HLA-G: variants seen among roughly 807,000 people sequenced by gnomAD.
HLA-G encodes HLA class I histocompatibility antigen, alpha chain G.
Under a neutral mutation model 39.3 loss-of-function variants are expected in HLA-G, and 34 were observed. The observed-to-expected ratio is 0.86, with a 90% confidence interval of 0.66 to 1.15. The LOEUF is 1.15. Among genes scored for constraint, HLA-G ranks in the 50% most tolerant of loss-of-function variants. The pLI is 0.00. For missense variants in HLA-G, 419 were observed against 456.4 expected, an observed-to-expected ratio of 0.92 and a Z score of 0.75; for synonymous variants, 183 against 185.8, an observed-to-expected ratio of 0.99 and a Z score of 0.12.
rs763201540 is a variant in HLA-G at position 29,828,130 on chromosome 6, G to T, written c.157G>T (p.Asp53Tyr). The T allele has an allele frequency of 5.0e-6, 8 of 1,613,206 alleles. No homozygotes were observed. The Admixed American group carries it at 1.3e-4, about 27-fold the overall frequency. ...CCGCTTCATCGCCATGGGCTACGTG[G>T]ACGACACGCAGTTCGTGCGGTTCGA... Reference protein sequence around the residue: ...EPRFIAMGYVDDTQFVRFDSD... With the variant: ...EPRFIAMGYVYDTQFVRFDSD... Residue 53 changes from aspartate (D) to tyrosine (Y), a missense_variant, in exon 2 of 7, where the codon GAC (aspartate) becomes TAC (tyrosine). Transcript: ENST00000360323.
rs1760994048 is a variant in HLA-G at position 29,828,926 on chromosome 6, C to G, written c.619+108C>G. On this transcript the variant is annotated intron_variant, in intron 3 of 6. Coordinates refer to ENST00000360323, the MANE Select transcript of HLA-G (RefSeq NM_001384290.1). ...CCAACACTAGAATATCGCCCTCCCT[C>G]TGGTCCTGAGGGAGAGGAATCCTCC... 11 of 1,445,080 alleles carry G rather than the reference C, an allele frequency of 7.6e-6. 1 individual carries two copies. Among genetic ancestry groups the G allele is most frequent in the Non-Finnish European group, 8.7e-6 (9 of 1,037,206 alleles). The allele number at this position is 1,445,080 out of a possible 1,614,324, so 89.5% of individuals were successfully genotyped here. A position where few individuals can be genotyped will look rare whatever the true frequency, so the allele number is the denominator to read the frequency against.
At chr6:29,827,517 G>A (rs1304561415), upstream of HLA-G, 3 of 387,648 alleles carry the variant, frequency 7.7e-6, no homozygotes, top group African/African-American at 4.2e-5. Flanking sequence ...TTCTCAGACA[G>A]CTCCTGGGCC....
At chr6:29,827,303 G>A (rs1366993559), upstream of HLA-G, 2 of 353,408 alleles carry the variant, frequency 5.7e-6, no homozygotes, top group Admixed American at 3.9e-5. Context: ...GATTTAAGGG[G>A]GAAAAAAAAC....
chr6:29,826,707 A>G (rs17875389), upstream of HLA-G, among the ~76,000 whole-genome samples: 8,798 of 152,334 alleles, frequency 0.058, 370 homozygotes, highest in African/African-American at 0.1. Context: ...AGATTTTAAT[A>G]CATCCATCTA....
chr6:29,827,951 C>G (rs762230271), intron 1 of HLA-G, 34 bp downstream of exon 1: 1 of 1,595,128 alleles, frequency 6.3e-7, no homozygotes, highest in South Asian at 1.1e-5. Context: ...ACAGCCCCTG[C>G]GCGGAGGAGG....
Position 29,830,421 on chromosome 6 carries a change from A to G in HLA-G, c.*28+11A>G. ...ACTCTCAGGCTGCAAGTAAGTATGA[A>G]GGAGGCTGATCCCTGAGATCCTTGG... On this transcript the variant is annotated intron_variant, in intron 6 of 6. Transcript: ENST00000360323. 6.2e-7 allele frequency: 1 copy of G among 1,610,826 alleles called. No homozygotes were observed. The highest frequency in any genetic ancestry group is 8.5e-7 in the Non-Finnish European group (1 of 1,177,036).
upstream of HLA-G, chr6:29,827,494 G>A: frequency 2.7e-6 from 1 of 370,938 alleles, no homozygotes; most frequent in South Asian, 2.1e-5. Context: ...CTTGCCGAGG[G>A]TTTCTCCCTG....
At chr6:29,828,374 G>T in intron 2 of HLA-G, 58 bp downstream of exon 2, 1 of 1,569,968 alleles carries the variant, frequency 6.4e-7, no homozygotes, top group Non-Finnish European at 8.6e-7. Flanking sequence ...CCCCACGGAC[G>T]GCCCGGGTAC....
chr6:29,828,793 C>A lies in HLA-G; in HGVS notation c.594C>A (p.Asn198Lys). The change falls in exon 3 of 7, where the codon AAC (asparagine) becomes AAA (lysine). Residue 198 changes from asparagine (N) to lysine (K), a missense_variant. Transcript: ENST00000360323. The part of the protein sequence containing the change: ...CVEWLHRYLE[N>K]GKEMLQRADP... ...AGTGGCTCCACAGATACCTGGAGAA[C>A]GGGAAGGAGATGCTGCAGCGCGCGG... is the stretch of plus-strand genomic sequence containing the variant. The A allele has an allele frequency of 2.5e-6, 4 of 1,614,012 alleles. No homozygotes were observed. Among genetic ancestry groups the A allele is most frequent in the Non-Finnish European group, 2.5e-6 (3 of 1,180,002 alleles).
intron 2 of HLA-G, 79 bp from the exon 3 acceptor site, chr6:29,828,464 C>T: frequency 6.4e-7 from 1 of 1,566,636 alleles, no homozygotes; most frequent in Non-Finnish European, 8.6e-7. Flanking sequence ...CCCCAAGGCG[C>T]CTTTACCAAA....
At position 29,828,238 on chromosome 6, in the gene HLA-G, C is replaced by G. The variant is rs753634137; in HGVS notation, c.265C>G (p.Arg89Gly). The change falls in exon 2 of 7, where the codon CGG (arginine) becomes GGG (glycine). Residue 89 changes from arginine to glycine, a missense_variant. Around this residue, in one of 2 missense-constraint regions of HLA-G, gnomAD observed 91 missense variants for 133.4 expected, o/e 0.68. Coordinates refer to ENST00000360323, the MANE Select transcript of HLA-G (RefSeq NM_001384290.1). ...GCCGGAGTATTGGGAAGAGGAGACA[C>G]GGAACACCAAGGCCCACGCACAGAC... Reference protein sequence around the residue: ...EGPEYWEEETRNTKAHAQTDR... With the variant: ...EGPEYWEEETGNTKAHAQTDR... 5.6e-6 allele frequency: 9 copies of G among 1,613,208 alleles called. No individual in the cohort carries two copies. In the South Asian group the frequency reaches 7.7e-5, roughly 14 times the overall value.
rs752829354 is a variant in HLA-G, at chr6:29,829,418, AC to A, written c.627del (p.Lys210ArgfsTer4). The A allele has an allele frequency of 1.2e-5, 19 of 1,611,188 alleles. 1 individual carries two copies. The highest frequency in any genetic ancestry group is 9.9e-5 in the South Asian group (9 of 90,934). On this transcript the variant is annotated frameshift_variant and splice_region_variant, in exon 4 of 7. Coordinates refer to ENST00000360323, the MANE Select transcript of HLA-G (RefSeq NM_001384290.1). LOFTEE classifies it high-confidence loss of function. ...ENGKEMLQRADPPKTHVTHHP... is the reference protein window; with the variant it reads ...ENGKEMLQRAXPPKTHVTHHP... ...TGAATTTTCTGACTCTTCCTTTCAG[AC>A]CCCCCCAAGACACACGTGACCCACC...
At chr6:29,827,740 TCCCATTA>T, upstream of HLA-G, 1 of 1,165,570 alleles carries the variant, frequency 8.6e-7, no homozygotes, top group Non-Finnish European at 1.3e-6. Flanking sequence ...CAGTTCTCAC[TCCCATTA>T]GGTGACAGGT....
chr6:29,828,475 A>G, intron 2 of HLA-G, 68 bp from the exon 3 acceptor site: 3 of 1,571,338 alleles, frequency 1.9e-6, no homozygotes, highest in South Asian at 1.2e-5. Context: ...CTTTACCAAA[A>G]TCCCCGCGGG....
In HLA-G at chr6:29,828,217, G is replaced by A; in HGVS notation, c.244G>A (p.Glu82Lys). ...RAPWVEQEGP[E>K]YWEEETRNTK... is the part of the protein sequence containing the mutation. The stretch of plus-strand genomic sequence containing the variant: ...GCCGTGGGTGGAGCAGGAGGGGCCG[G>A]AGTATTGGGAAGAGGAGACACGGAA... The change falls in exon 2 of 7, where the codon GAG becomes AAG. Residue 82 changes from glutamate to lysine, a missense_variant. Physicochemically the swap from Glu to Lys is moderately conservative, Grantham distance 56. This residue lies in a region of HLA-G where 91 missense variants were observed against 133.4 expected (regional missense o/e 0.68). Coordinates refer to ENST00000360323, the MANE Select transcript of HLA-G (RefSeq NM_001384290.1). 1.2e-6 allele frequency: 2 copies of A among 1,613,636 alleles called. No individual in the cohort carries two copies. Among genetic ancestry groups the A allele is most frequent in the Non-Finnish European group, 1.7e-6 (2 of 1,179,880 alleles).
At chr6:29,829,714 A>T (rs750833031) in intron 4 of HLA-G, 21 bp downstream of exon 4, 1 of 1,610,548 alleles carries the variant, frequency 6.2e-7, no homozygotes, top group South Asian at 1.1e-5. Context: ...AGATGGAGGC[A>T]TCATGTCTGT....
At position 29,828,611 on chromosome 6, in the gene HLA-G, G is replaced by A. The variant is rs1459341178; in HGVS notation, c.412G>A (p.Glu138Lys). 1.2e-6 allele frequency: 2 copies of A among 1,613,042 alleles called. No individual in the cohort carries two copies. Among genetic ancestry groups the A allele is most frequent in the Non-Finnish European group, 1.7e-6 (2 of 1,180,018 alleles). The change falls in exon 3 of 7, where the codon GAA (glutamate) becomes AAA (lysine). Residue 138 changes from glutamate to lysine, a missense_variant. Transcript: ENST00000360323. Reference sequence around the variant, plus strand: ...CGACGGACGCCTCCTCCGCGGGTATGAACAGTATGCCTACGATGGCAAGGA... The same window carrying A: ...CGACGGACGCCTCCTCCGCGGGTATAAACAGTATGCCTACGATGGCAAGGA... ...GSDGRLLRGY[E>K]QYAYDGKDYL...
At chr6:29,828,905 C>T (rs1236853247) in intron 3 of HLA-G, 87 bp downstream of exon 3, 4 of 1,557,100 alleles carry the variant, frequency 2.6e-6, no homozygotes, top group Non-Finnish European at 3.5e-6. Context: ...ATGGGACCAA[C>T]ACTAGAATAT....
At chr6:29,828,363 G>T (rs1262207161) in intron 2 of HLA-G, 47 bp downstream of exon 2, 1 of 1,579,332 alleles carries the variant, frequency 6.3e-7, no homozygotes, top group African/African-American at 1.3e-5. Flanking sequence ...CCACCTCCAT[G>T]CCCCACGGAC....
Sources: gnomAD v4.1 joint callset for allele counts (sites outside exome capture counted in the v4.1 genomes callset) on GRCh38, gnomAD v4.1.1 for gene constraint, gnomAD v4.1.1 regional missense constraint, MANE v1.5 for transcripts, NCBI Gene and HGNC (gene_info 2026-07-23, HGNC 2026-07-21) for gene names.